Variants in CNTN5 observed in about 807,000 individuals in gnomAD.
The protein encoded by CNTN5 is contactin-5.
CNTN5 carries 77 observed loss-of-function variants against 129.1 expected under a neutral mutation model. That is an observed-to-expected ratio of 0.60 (90% CI 0.50 to 0.72). The LOEUF (loss-of-function observed/expected upper bound fraction) is 0.72. Among genes scored for constraint, CNTN5 ranks in the 30% least tolerant of loss-of-function variants. CNTN5 has a pLI of 0.00. For synonymous variants in CNTN5, 509 were observed against 465.6 expected (o/e 1.09, Z -1.20); for missense variants, 1,478 against 1,328.8 (o/e 1.11, Z -1.75).
intron 3 of CNTN5, among the ~76,000 whole-genome samples, chr11:99,726,769 C>G (rs1943353822): frequency 6.6e-6 from 1 of 152,104 alleles, no homozygotes; most frequent in Non-Finnish European, 1.5e-5. Context: ...AGGAGAATGT[C>G]AGATTCTTCC....
chr11:99,361,122 C>T (rs1420107172), intron 2 of CNTN5, among the ~76,000 whole-genome samples: 1 of 152,052 alleles, frequency 6.6e-6, no homozygotes, highest in African/African-American at 2.4e-5. Flanking sequence ...TATCTGAGAC[C>T]TCATCAAAAT....
intron 2 of CNTN5, among the ~76,000 whole-genome samples, chr11:99,379,654 T>C (rs1401115303): frequency 6.6e-6 from 1 of 152,094 alleles, no homozygotes; most frequent in African/African-American, 2.4e-5. Context: ...TGTGGAAAGG[T>C]AGAAAAAAAT....
intron 2 of CNTN5, among the ~76,000 whole-genome samples, chr11:99,436,360 C>T (rs1359061282): frequency 6.6e-6 from 1 of 152,180 alleles, no homozygotes; most frequent in Non-Finnish European, 1.5e-5. Flanking sequence ...CATTTATGCT[C>T]AGATCCACAA....
At chr11:99,403,205 T>C (rs1941910651) in intron 2 of CNTN5, among the ~76,000 whole-genome samples, 1 of 152,108 alleles carries the variant, frequency 6.6e-6, no homozygotes, top group South Asian at 2.1e-4. Flanking sequence ...TCTCACCATG[T>C]TAGCCAGGAT....
At chr11:100,266,197 A>G (rs1219020170) in intron 17 of CNTN5, among the ~76,000 whole-genome samples, 1 of 152,030 alleles carries the variant, frequency 6.6e-6, no homozygotes, top group East Asian at 1.9e-4. Context: ...GATTGAGACG[A>G]GCCTGGACAA....
chr11:99,237,070 TTATTC>T (rs1861306878), intron 1 of CNTN5, among the ~76,000 whole-genome samples: 1 of 152,176 alleles, frequency 6.6e-6, no homozygotes, highest in South Asian at 2.1e-4. Flanking sequence ...TGTATGTTCT[TTATTC>T]TAAATGATTT....
intron 2 of CNTN5, among the ~76,000 whole-genome samples, chr11:99,418,260 A>G (rs1942745834): frequency 6.6e-6 from 1 of 152,130 alleles, no homozygotes. Flanking sequence ...AATTTAAAGA[A>G]CCAACATGAA....
chr11:99,689,541 A>AAG (rs1210612903), intron 3 of CNTN5, among the ~76,000 whole-genome samples: 1 of 149,860 alleles, frequency 6.7e-6, no homozygotes, highest in Non-Finnish European at 1.5e-5. Flanking sequence ...AAAAAAAAAA[A>AAG]AAAAAAAAAA....
intron 2 of CNTN5, among the ~76,000 whole-genome samples, chr11:99,453,052 G>A (rs1910709): frequency 0.49 from 75,185 of 152,004 alleles, 19,199 homozygotes; most frequent in East Asian, 0.65. Context: ...CACTTTGTAA[G>A]GCATTTCTCA....
chr11:100,093,594 C>T (rs939736946), intron 13 of CNTN5, among the ~76,000 whole-genome samples: 1 of 151,938 alleles, frequency 6.6e-6, no homozygotes, highest in South Asian at 2.1e-4. Context: ...GGTGCACACC[C>T]CTATTTAATT....
In CNTN5 at chr11:99,525,127, A is replaced by ATG. The variant is rs1947435689; in HGVS notation, c.-70-31018_-70-31017insTG. Among the ~76,000 whole-genome samples, 5 of 149,224 alleles carry ATG rather than the reference A, an allele frequency of 3.4e-5. No homozygotes were observed. The South Asian group carries it at 1.1e-3, about 32-fold the overall frequency. On this transcript the variant is annotated intron_variant, in intron 2 of 24. Coordinates refer to ENST00000524871, the MANE Select transcript of CNTN5 (RefSeq NM_014361.4). The stretch of plus-strand genomic sequence containing the variant: ...TACATTATTGTCATCATTTACCATG[A>ATG]AAAGCCAATTTAAAGGGAGGCTTTT...
At chr11:99,099,137 T>C (rs981401549) in intron 1 of CNTN5, among the ~76,000 whole-genome samples, 4 of 152,146 alleles carry the variant, frequency 2.6e-5, no homozygotes, top group Non-Finnish European at 4.4e-5. Flanking sequence ...ACAGAAATTT[T>C]CAGTCAAGAA....
At position 100,340,457 on chromosome 11, in the gene CNTN5, T is replaced by C. The variant is rs940695635; in HGVS notation, c.2731-6T>C. ...ATTAACCTGCCATGTGATAATTTGT[T>C]GATAGGTTGGTTACTGGAAAGACAT... On this transcript the variant is annotated splice_region_variant and splice_polypyrimidine_tract_variant and intron_variant, in intron 21 of 24. Coordinates refer to ENST00000524871, the MANE Select transcript of CNTN5 (RefSeq NM_014361.4). The C allele has an allele frequency of 3.1e-6, 5 of 1,598,808 alleles. No homozygotes were observed. Among genetic ancestry groups the C allele is most frequent in the Admixed American group, 1.7e-5 (1 of 58,078 alleles).
chr11:99,437,844 A>G (rs1490903162), intron 2 of CNTN5, among the ~76,000 whole-genome samples: 2 of 152,158 alleles, frequency 1.3e-5, no homozygotes. Context: ...ACAAACAAAA[A>G]AAGTAATTAA....
chr11:99,496,359 A>G (rs1946226090), intron 2 of CNTN5, among the ~76,000 whole-genome samples: 1 of 152,106 alleles, frequency 6.6e-6, no homozygotes, highest in Non-Finnish European at 1.5e-5. Flanking sequence ...CTGCAGTGAA[A>G]ATGATTTTTT....
intron 1 of CNTN5, among the ~76,000 whole-genome samples, chr11:99,139,858 C>T (rs1859428012): frequency 6.6e-6 from 1 of 152,032 alleles, no homozygotes; most frequent in African/African-American, 2.4e-5. Flanking sequence ...GTTAAATATG[C>T]ATCCTTCTAT....
chr11:99,952,307 T>C (rs77236048), intron 7 of CNTN5, among the ~76,000 whole-genome samples: 5 of 152,174 alleles, frequency 3.3e-5, no homozygotes, highest in Admixed American at 2.6e-4. Context: ...TACTAAGTTA[T>C]CCTATTTAAG....
chr11:99,401,859 CT>C (rs35285655), intron 2 of CNTN5, among the ~76,000 whole-genome samples: 112,673 of 151,654 alleles, frequency 0.74, 42,655 homozygotes, highest in African/African-American at 0.89. Flanking sequence ...AATGGCACTA[CT>C]TTTTTTTCAG....
chr11:99,140,428 T>C (rs1003166403), intron 1 of CNTN5, among the ~76,000 whole-genome samples: 3 of 152,062 alleles, frequency 2.0e-5, no homozygotes, highest in Admixed American at 6.6e-5. Context: ...GGAAGAGAGA[T>C]AGTTTGACCT....
Sources: allele counts gnomAD v4.1 joint callset (sites outside exome capture counted in the v4.1 genomes callset), GRCh38; gene constraint gnomAD v4.1.1; transcripts MANE v1.5; gene names NCBI Gene and HGNC (gene_info 2026-07-23, HGNC 2026-07-21).